Variants in GALNT13 observed in about 807,000 individuals in gnomAD.
GALNT13 encodes the protein UDP-GalNAc:polypeptide N-acetylgalactosaminyltransferase 13.
GALNT13 carries 28 observed loss-of-function variants against 64.2 expected under a neutral mutation model. The ratio of observed to expected loss-of-function variants is 0.44; its 90% confidence interval spans 0.32 to 0.60. GALNT13 has a LOEUF of 0.60. GALNT13 is among the 20% of genes least tolerant of loss of function. The pLI is 0.05. For missense variants in GALNT13, 577 were observed against 669.8 expected (o/e 0.86, Z 1.53); for synonymous variants, 214 against 224.6 (o/e 0.95, Z 0.42).
At chr2:153,476,680 T>C in the GALNT13 span, among the ~76,000 whole-genome samples, 9 of 152,182 alleles carry the variant, frequency 5.9e-5, no homozygotes, top group Non-Finnish European at 1.0e-4. Flanking sequence ...TTGCCTGGTC[T>C]GGGGCATACT....
At chr2:154,236,021 T>C in intron 4 of GALNT13, 1 of 1,209,520 alleles carries the variant, frequency 8.3e-7, no homozygotes, top group Non-Finnish European at 1.1e-6. Context: ...CTGGATTTAT[T>C]TTTTATATAT....
intron 3 of GALNT13, among the ~76,000 whole-genome samples, chr2:153,980,774 G>A (rs544028249): frequency 6.6e-6 from 1 of 152,184 alleles, no homozygotes; most frequent in Admixed American, 6.5e-5. Flanking sequence ...CATGTTTATT[G>A]ACATGTGAGT....
chr2:153,828,778 T>C, the GALNT13 span, among the ~76,000 whole-genome samples: 1 of 152,190 alleles, frequency 6.6e-6, no homozygotes, highest in African/African-American at 2.4e-5. Context: ...TTCTATTCTA[T>C]TGTATTTTCA....
the GALNT13 span, among the ~76,000 whole-genome samples, chr2:153,289,795 A>G: frequency 0.15 from 22,781 of 152,246 alleles, 2,163 homozygotes; most frequent in Non-Finnish European, 0.22. Context: ...CTGGGGTCCA[A>G]CTTAGCACCA....
chr2:154,108,601 G>C (rs1216761608), intron 3 of GALNT13, among the ~76,000 whole-genome samples: 1 of 151,888 alleles, frequency 6.6e-6, no homozygotes, highest in Non-Finnish European at 1.5e-5. Flanking sequence ...AATCCTATTT[G>C]TCTATTTTTA....
At chr2:154,211,361 T>G (rs565551657) in intron 4 of GALNT13, among the ~76,000 whole-genome samples, 6 of 151,910 alleles carry the variant, frequency 3.9e-5, no homozygotes, top group Admixed American at 2.6e-4. Flanking sequence ...GCGCAGTGGC[T>G]CACACCTGTA....
chr2:154,232,896 G>C (rs1329064527), intron 4 of GALNT13, among the ~76,000 whole-genome samples: 1 of 151,168 alleles, frequency 6.6e-6, no homozygotes, highest in Non-Finnish European at 1.5e-5. Flanking sequence ...ACAAAAATAA[G>C]TCGGGAGTGG....
chr2:153,360,783 TTC>T, the GALNT13 span, among the ~76,000 whole-genome samples: 1 of 152,078 alleles, frequency 6.6e-6, no homozygotes, highest in African/African-American at 2.4e-5. Flanking sequence ...GACTTAGTCT[TTC>T]TAAGGAGTCT....
the GALNT13 span, among the ~76,000 whole-genome samples, chr2:153,533,723 C>CTTTTTTTT: frequency 0.012 from 564 of 48,628 alleles, 21 homozygotes; most frequent in East Asian, 0.019. Flanking sequence ...TGAGGTTTTT[C>CTTTTTTTT]TTTTTTTTTT....
At chr2:153,256,782 A>G in the GALNT13 span, among the ~76,000 whole-genome samples, 3 of 151,822 alleles carry the variant, frequency 2.0e-5, no homozygotes, top group African/African-American at 7.3e-5. Flanking sequence ...AGGGTCAGGG[A>G]CCCCCTTGAG....
chr2:154,239,414 T>A (rs1402125845), intron 4 of GALNT13, among the ~76,000 whole-genome samples: 5 of 152,142 alleles, frequency 3.3e-5, no homozygotes, highest in Non-Finnish European at 7.4e-5. Context: ...CTAGTTGTAC[T>A]TCTTTGAGGA....
the GALNT13 span, among the ~76,000 whole-genome samples, chr2:153,267,264 C>T: frequency 0.83 from 126,480 of 152,152 alleles, 53,820 homozygotes; most frequent in African/African-American, 0.93. Flanking sequence ...GTGGCTTTTC[C>T]AGGGGACTCT....
chr2:153,968,679 G>A (rs747821491), intron 3 of GALNT13, among the ~76,000 whole-genome samples: 5 of 152,122 alleles, frequency 3.3e-5, no homozygotes, highest in Non-Finnish European at 7.4e-5. Flanking sequence ...AGTAGTTTCT[G>A]ATTATATTCT....
At chr2:154,439,004 G>C (rs1308391495) in intron 12 of GALNT13, among the ~76,000 whole-genome samples, 1 of 152,130 alleles carries the variant, frequency 6.6e-6, no homozygotes, top group East Asian at 1.9e-4. Context: ...AATTAGGCAA[G>C]AGGTAAGCTA....
the GALNT13 span, among the ~76,000 whole-genome samples, chr2:153,294,301 C>A: frequency 6.6e-6 from 1 of 152,100 alleles, no homozygotes; most frequent in Non-Finnish European, 1.5e-5. Flanking sequence ...ACCTTGCTTC[C>A]TTCAAGTTTC....
At chr2:153,171,319 G>T in the GALNT13 span, among the ~76,000 whole-genome samples, 1 of 152,100 alleles carries the variant, frequency 6.6e-6, no homozygotes, top group African/African-American at 2.4e-5. Flanking sequence ...TTGAGTAAAT[G>T]GTTACATCAT....
the GALNT13 span, among the ~76,000 whole-genome samples, chr2:153,293,397 A>G: frequency 6.6e-6 from 1 of 152,228 alleles, no homozygotes; most frequent in African/African-American, 2.4e-5. Flanking sequence ...GCAGGGATGT[A>G]TGTGTGTGAG....
the GALNT13 span, among the ~76,000 whole-genome samples, chr2:153,860,402 A>G: frequency 6.6e-6 from 1 of 152,218 alleles, no homozygotes; most frequent in Non-Finnish European, 1.5e-5. Context: ...GGGATAGAGG[A>G]TATAGTTGCT....
In GALNT13 at chr2:154,246,751, C is replaced by G. The variant is rs537555778; in HGVS notation, c.857+769C>G. ...TCCTTTGGAACATGAGAGAAATACCCTAACATTCTAGAAACATACACTTTA... is the reference window on the plus strand; with the variant it reads ...TCCTTTGGAACATGAGAGAAATACCGTAACATTCTAGAAACATACACTTTA... On this transcript the variant is annotated intron_variant, in intron 7 of 12. Transcript: ENST00000392825. Among the ~76,000 whole-genome samples the G allele has an allele frequency of 2.0e-5, 3 of 152,122 alleles. No individual in the cohort carries two copies. The South Asian group carries it at 6.2e-4, about 32-fold the overall frequency.
Sources: allele counts gnomAD v4.1 joint callset (sites outside exome capture counted in the v4.1 genomes callset), GRCh38; gene constraint gnomAD v4.1.1; transcripts MANE v1.5; gene names NCBI Gene and HGNC (gene_info 2026-07-23, HGNC 2026-07-21).